The following FAT3 variants were observed in gnomAD, a reference collection of about 807,000 sequenced individuals.
FAT3 encodes FAT atypical cadherin 3.
Under a neutral mutation model 310.2 loss-of-function variants are expected in FAT3, and 95 were observed. The ratio of observed to expected loss-of-function variants is 0.31; its 90% CI spans 0.26 to 0.36. The LOEUF (loss-of-function observed/expected upper bound fraction) is 0.36. Among genes scored for constraint, FAT3 ranks in the 10% least tolerant of loss-of-function variants. The pLI, the probability that FAT3 is intolerant of heterozygous loss-of-function variation, is 1.00. For synonymous variants in FAT3, 2,314 were observed against 2,192.9 expected (o/e 1.06, Z -1.54); for missense variants, 5,408 against 5,715.6 (o/e 0.95, Z 1.74).
chr11:92,300,115 A>G (rs982113349), intron 1 of FAT3, among the ~76,000 whole-genome samples: 1 of 152,132 alleles, frequency 6.6e-6, no homozygotes, highest in African/African-American at 2.4e-5. Flanking sequence ...CATGAAACCA[A>G]TTAACACAAT....
At chr11:92,442,111 A>ATATATATATTTT (rs1453396603) in intron 2 of FAT3, among the ~76,000 whole-genome samples, 1 of 45,220 alleles carries the variant, frequency 2.2e-5, no homozygotes, top group African/African-American at 1.8e-4. Context: ...ATATATATAT[A>ATATATATATTTT]TTTTTTTTTT....
At position 92,882,967 on chromosome 11, in the gene FAT3, C is replaced by T. The variant is rs1400771047; in HGVS notation, c.12511C>T (p.Leu4171Phe). The change falls in exon 24 of 28, where the codon CTC becomes TTC. Residue 4171 changes from leucine (L) to phenylalanine (F), a missense_variant. By Grantham distance (22) the Leu-to-Phe change is conservative (BLOSUM62 0). Transcript: ENST00000525166. The part of the protein sequence containing the change: ...VLFVIFILVV[L>F]FIVFRKKVFR... ...CTTCGTCATCTTCATCCTGGTGGTTCTCTTCATAGTCTTCCGCAAGAAGGT... is the reference window on the plus strand; with the variant it reads ...CTTCGTCATCTTCATCCTGGTGGTTTTCTTCATAGTCTTCCGCAAGAAGGT... 1.2e-6 allele frequency: 2 copies of T among 1,613,890 alleles called. No homozygotes were observed. Among genetic ancestry groups the T allele is most frequent in the African/African-American group, 1.3e-5 (1 of 75,060 alleles).
chr11:92,387,950 A>G (rs961224288), intron 2 of FAT3, among the ~76,000 whole-genome samples: 38 of 152,186 alleles, frequency 2.5e-4, no homozygotes, highest in African/African-American at 9.2e-4. Context: ...ATACTGAACC[A>G]TGGTATACTG....
At position 92,836,785 on chromosome 11, in the gene FAT3, A is replaced by G. The variant is rs1948420625; in HGVS notation, c.10224+82A>G. 14 of 1,493,694 alleles carry G rather than the reference A, an allele frequency of 9.4e-6. No individual in the cohort carries two copies. In the Admixed American group the frequency reaches 2.3e-4, roughly 25 times the overall value. The allele number at this position is 1,493,694 out of a possible 1,614,324, so 92.5% of individuals were successfully genotyped here. On this transcript the variant is annotated intron_variant, in intron 16 of 27. Transcript: ENST00000525166. ...AGGGGCACAAGCTCCACGGGTGTAAATAGGAAAGTTCTCCATTCTAAGTAA... is the reference window on the plus strand; with the variant it reads ...AGGGGCACAAGCTCCACGGGTGTAAGTAGGAAAGTTCTCCATTCTAAGTAA...
At chr11:92,472,082 T>A (rs1040047566) in intron 2 of FAT3, among the ~76,000 whole-genome samples, 1 of 151,846 alleles carries the variant, frequency 6.6e-6, no homozygotes, top group South Asian at 2.1e-4. Context: ...TATCAAAAAG[T>A]GTGCATAACA....
intron 4 of FAT3, among the ~76,000 whole-genome samples, chr11:92,729,950 T>C (rs528767461): frequency 5.6e-4 from 86 of 152,328 alleles, no homozygotes; most frequent in African/African-American, 1.8e-3. Flanking sequence ...TGGTTATCTC[T>C]GGGTAATGGG....
chr11:92,579,296 A>G (rs1938660848), intron 3 of FAT3, among the ~76,000 whole-genome samples: 1 of 152,118 alleles, frequency 6.6e-6, no homozygotes, highest in Non-Finnish European at 1.5e-5. Context: ...GATGAGAGAA[A>G]TATGGGAGGC....
chr11:92,710,799 A>G (rs1371264757), intron 4 of FAT3, among the ~76,000 whole-genome samples: 1 of 152,254 alleles, frequency 6.6e-6, no homozygotes, highest in African/African-American at 2.4e-5. Context: ...TTCATTTAAA[A>G]GTTCCTGTCA....
intron 6 of FAT3, among the ~76,000 whole-genome samples, chr11:92,771,846 T>C (rs951959369): frequency 6.6e-6 from 1 of 151,732 alleles, no homozygotes; most frequent in Non-Finnish European, 1.5e-5. Context: ...CTATATGCCA[T>C]ATGTAAATGT....
At chr11:92,439,413 A>G (rs1054954889) in intron 2 of FAT3, among the ~76,000 whole-genome samples, 3 of 152,198 alleles carry the variant, frequency 2.0e-5, no homozygotes, top group Non-Finnish European at 4.4e-5. Context: ...GCATCCTTCA[A>G]TAAGAAACAT....
At chr11:92,721,207 A>G (rs1167275640) in intron 4 of FAT3, among the ~76,000 whole-genome samples, 1 of 152,244 alleles carries the variant, frequency 6.6e-6, no homozygotes, top group East Asian at 1.9e-4. Context: ...AATCAGGATA[A>G]TGCAAGAAAT....
At chr11:92,409,332 T>C (rs1032881553) in intron 2 of FAT3, among the ~76,000 whole-genome samples, 4 of 152,132 alleles carry the variant, frequency 2.6e-5, no homozygotes, top group African/African-American at 9.7e-5. Flanking sequence ...TTTAAAGAGA[T>C]AAGCATATTT....
intron 3 of FAT3, among the ~76,000 whole-genome samples, chr11:92,583,681 T>C (rs1406090426): frequency 6.6e-6 from 1 of 152,022 alleles, no homozygotes; most frequent in Non-Finnish European, 1.5e-5. Context: ...GGAGCTCTTA[T>C]ACCCTTCAAC....
chr11:92,652,044 A>AGTGT (rs1942398348), intron 3 of FAT3, among the ~76,000 whole-genome samples: 2 of 152,214 alleles, frequency 1.3e-5, no homozygotes, highest in South Asian at 4.1e-4. Flanking sequence ...GAGAGCTGAC[A>AGTGT]GTGTGGAACA....
At chr11:92,647,775 C>G (rs1942220032) in intron 3 of FAT3, among the ~76,000 whole-genome samples, 1 of 152,076 alleles carries the variant, frequency 6.6e-6, no homozygotes, top group Admixed American at 6.5e-5. Context: ...CTCTGGCCCT[C>G]TAAACAAGGA....
At chr11:92,613,707 T>C (rs1234441409) in intron 3 of FAT3, among the ~76,000 whole-genome samples, 1 of 152,182 alleles carries the variant, frequency 6.6e-6, no homozygotes, top group Non-Finnish European at 1.5e-5. Flanking sequence ...GCAACTGTAC[T>C]GGGAAGCTGA....
chr11:92,229,240 T>C (rs1864044252), intron 1 of FAT3, among the ~76,000 whole-genome samples: 1 of 152,192 alleles, frequency 6.6e-6, no homozygotes, highest in African/African-American at 2.4e-5. Context: ...GTTGAATATG[T>C]CATTTTCATC....
At chr11:92,367,089 G>C (rs1949043893) in intron 2 of FAT3, 2 of 455,314 alleles carry the variant, frequency 4.4e-6, no homozygotes, top group South Asian at 3.4e-5. Context: ...AGGTGAAGCA[G>C]GTGTCAAATT....
Position 92,354,157 on chromosome 11 carries a change from G to T in FAT3, c.2045G>T (p.Ser682Ile), listed in dbSNP as rs1948657888. The T allele has an allele frequency of 6.2e-7, 1 of 1,613,886 alleles. No individual in the cohort carries two copies. Among genetic ancestry groups the T allele is most frequent in the Non-Finnish European group, 8.5e-7 (1 of 1,179,864 alleles). Reference protein sequence around the residue: ...LHGKVSSKSFSCRETRVAQKL... With the variant: ...LHGKVSSKSFICRETRVAQKL... ...GGGAAAGTGTCTTCAAAGAGCTTCA[G>T]TTGCAGAGAAACTCGTGTGGCTCAA... is the stretch of plus-strand genomic sequence containing the variant. The change falls in exon 2 of 28, where the codon AGT becomes ATT. Residue 682 changes from serine (S) to isoleucine (I), a missense_variant. Physicochemically the swap from Ser to Ile is moderately radical, Grantham distance 142. This residue lies in a region of FAT3 where 4,588 missense variants were observed against 4,809.8 expected (regional missense o/e 0.95). Transcript: ENST00000525166.
Sources: gnomAD v4.1 joint callset for allele counts (sites outside exome capture counted in the v4.1 genomes callset) on GRCh38, gnomAD v4.1.1 for gene constraint, gnomAD v4.1.1 regional missense constraint, MANE v1.5 for transcripts, NCBI Gene and HGNC (gene_info 2026-07-23, HGNC 2026-07-21) for gene names.